Variants in ROBO1 observed in about 807,000 individuals in gnomAD.
ROBO1 encodes roundabout homolog 1.
ROBO1 carries 149 observed loss-of-function variants against 195.9 expected under a neutral mutation model. That is an observed-to-expected ratio of 0.76 (90% CI 0.67 to 0.87). The LOEUF (loss-of-function observed/expected upper bound fraction) is 0.87. Ranked by LOEUF, ROBO1 falls within the 40% of genes least tolerant of loss-of-function variation. The probability of loss-of-function intolerance (pLI) is 0.00; values close to 1 mark genes in which losing one functional copy is unlikely to be tolerated. For missense variants in ROBO1, 1,933 were observed against 2,068.3 expected (o/e 0.93, Z 1.27); for synonymous variants, 816 against 733.2 (o/e 1.11, Z -1.82).
intron 2 of ROBO1, among the ~76,000 whole-genome samples, chr3:79,515,362 G>A (rs1453420571): frequency 2.0e-5 from 3 of 152,176 alleles, no homozygotes; most frequent in Admixed American, 6.5e-5. Context: ...ATTCTTACTA[G>A]GCAGTATTCC....
At chr3:78,627,848 A>T (rs550589891) in intron 25 of ROBO1, among the ~76,000 whole-genome samples, 4 of 152,358 alleles carry the variant, frequency 2.6e-5, no homozygotes, top group Admixed American at 2.0e-4. Context: ...AGTACAGCCC[A>T]AATGTATTTG....
At position 79,685,183 on chromosome 3, in the gene ROBO1, A is replaced by G. The variant is rs183759594; in HGVS notation, c.-51+82569T>C. 5.7e-4 allele frequency among the ~76,000 whole-genome samples: 87 copies of G among 152,302 alleles called. 2 individuals are homozygous for G. In the South Asian group the frequency reaches 0.017, roughly 30 times the overall value. The stretch of plus-strand genomic sequence containing the variant: ...ACTTAATGATCAGCTAAAGATTGGC[A>G]GAAATTTCCTTAATGCCATGTATCA... On this transcript the variant is annotated intron_variant, in intron 1 of 30. Coordinates refer to ENST00000464233, the MANE Select transcript of ROBO1 (RefSeq NM_002941.4).
intron 4 of ROBO1, among the ~76,000 whole-genome samples, chr3:78,822,507 CT>C (rs1291176693): frequency 6.6e-6 from 1 of 152,198 alleles, no homozygotes; most frequent in African/African-American, 2.4e-5. Context: ...AGAGAATGAG[CT>C]TTTCTGATCC....
At chr3:78,869,722 G>A (rs531037095) in intron 4 of ROBO1, among the ~76,000 whole-genome samples, 9 of 152,146 alleles carry the variant, frequency 5.9e-5, no homozygotes, top group South Asian at 4.1e-4. Flanking sequence ...GCCTCCTTAA[G>A]TGCTGGGGTT....
intron 2 of ROBO1, among the ~76,000 whole-genome samples, chr3:79,334,917 C>T (rs2109192792): frequency 6.6e-6 from 1 of 151,806 alleles, no homozygotes; most frequent in Non-Finnish European, 1.5e-5. Context: ...ACCAGCCTGG[C>T]CAATGTGGTG....
intron 5 of ROBO1, among the ~76,000 whole-genome samples, chr3:78,719,661 G>C (rs2108094252): frequency 6.6e-6 from 1 of 152,200 alleles, no homozygotes; most frequent in South Asian, 2.1e-4. Flanking sequence ...ATTTTACACA[G>C]ATCCTCAGCA....
intron 2 of ROBO1, among the ~76,000 whole-genome samples, chr3:79,325,533 AG>A (rs1251403967): frequency 1.3e-5 from 2 of 152,250 alleles, no homozygotes; most frequent in African/African-American, 4.8e-5. Context: ...GTGGGAAGTC[AG>A]GGACCCCAAA....
intron 3 of ROBO1, among the ~76,000 whole-genome samples, chr3:79,037,103 G>A (rs2078394661): frequency 6.6e-6 from 1 of 152,206 alleles, no homozygotes; most frequent in South Asian, 2.1e-4. Context: ...ATCACATCTA[G>A]ATTTCAAGCA....
chr3:79,244,222 G>A (rs1044280420), intron 2 of ROBO1, among the ~76,000 whole-genome samples: 2 of 152,060 alleles, frequency 1.3e-5, no homozygotes, highest in Non-Finnish European at 2.9e-5. Context: ...TGCATAACAA[G>A]AACTCATTAA....
intron 4 of ROBO1, among the ~76,000 whole-genome samples, chr3:78,883,299 C>T (rs1348820338): frequency 6.6e-6 from 1 of 151,810 alleles, no homozygotes; most frequent in African/African-American, 2.4e-5. Flanking sequence ...GTAAAATGTA[C>T]TGATATTTCC....
rs915752226 is a variant in ROBO1, at chr3:78,938,762, T to C, written c.338A>G (p.Asp113Gly). Reference sequence around the variant, plus strand: ...CAACATTCGGTGTGAGCGAGGGTCATCTTTGTCTGTCTCCACTCTCTCTCC... The same window carrying C: ...CAACATTCGGTGTGAGCGAGGGTCACCTTTGTCTGTCTCCACTCTCTCTCC... ...KGGERVETDK[D>G]DPRSHRMLLP... is the part of the protein sequence containing the mutation. Residue 113 changes from aspartate (D) to glycine (G), a missense_variant, in exon 4 of 31, where the codon GAT becomes GGT. Coordinates refer to ENST00000464233, the MANE Select transcript of ROBO1 (RefSeq NM_002941.4). 8.7e-6 allele frequency: 14 copies of C among 1,613,982 alleles called. No individual in the cohort carries two copies. Among genetic ancestry groups the C allele is most frequent in the Non-Finnish European group, 1.2e-5 (14 of 1,179,890 alleles).
At chr3:78,681,996 A>C (rs1364435466) in intron 10 of ROBO1, among the ~76,000 whole-genome samples, 1 of 152,226 alleles carries the variant, frequency 6.6e-6, no homozygotes, top group East Asian at 1.9e-4. Flanking sequence ...TGAATGGTAA[A>C]GCACGTTAAG....
rs373935679 is a variant in ROBO1 at position 79,693,682 on chromosome 3, C to T, written c.-51+74070G>A. Among the ~76,000 whole-genome samples, 11 of 151,830 alleles carry T rather than the reference C, an allele frequency of 7.2e-5. No individual in the cohort carries two copies. The East Asian group carries it at 2.1e-3, about 30-fold the overall frequency. ...CAAACTCCTGGCCTTGAACAATTTT[C>T]CCCCTTCGACCTTCCAAAGCACTGG... is the stretch of plus-strand genomic sequence containing the variant. On this transcript the variant is annotated intron_variant, in intron 1 of 30. Coordinates refer to ENST00000464233, the MANE Select transcript of ROBO1 (RefSeq NM_002941.4).
intron 1 of ROBO1, among the ~76,000 whole-genome samples, chr3:79,716,372 G>A (rs1399163983): frequency 6.6e-6 from 1 of 151,908 alleles, no homozygotes; most frequent in Non-Finnish European, 1.5e-5. Flanking sequence ...TTGGGCATGT[G>A]ATATAGATAT....
chr3:78,977,861 C>T (rs1171341403), intron 3 of ROBO1, among the ~76,000 whole-genome samples: 4 of 152,020 alleles, frequency 2.6e-5, no homozygotes, highest in Non-Finnish European at 5.9e-5. Context: ...AACTACTTAA[C>T]AGTCTATTAA....
chr3:79,208,727 G>C (rs939694280), intron 2 of ROBO1, among the ~76,000 whole-genome samples: 3 of 150,818 alleles, frequency 2.0e-5, no homozygotes, highest in Admixed American at 6.6e-5. Flanking sequence ...GTGTGCGCCT[G>C]CATGCATGTG....
At chr3:79,280,301 C>T (rs1454467959) in intron 2 of ROBO1, among the ~76,000 whole-genome samples, 3 of 152,044 alleles carry the variant, frequency 2.0e-5, no homozygotes, top group Non-Finnish European at 4.4e-5. Flanking sequence ...AATTTGATCA[C>T]TATACATTAT....
intron 2 of ROBO1, among the ~76,000 whole-genome samples, chr3:79,564,344 C>A (rs531872288): frequency 3.7e-4 from 57 of 152,122 alleles, no homozygotes; most frequent in African/African-American, 1.3e-3. Context: ...CTTCACTGCA[C>A]TGCATGATAC....
At chr3:78,841,656 A>C (rs2033211917) in intron 4 of ROBO1, among the ~76,000 whole-genome samples, 1 of 152,208 alleles carries the variant, frequency 6.6e-6, no homozygotes, top group Non-Finnish European at 1.5e-5. Context: ...TTAATTACTC[A>C]AACCCCAATT....
Sources: allele counts gnomAD v4.1 joint callset (sites outside exome capture counted in the v4.1 genomes callset), GRCh38; gene constraint gnomAD v4.1.1; transcripts MANE v1.5; gene names NCBI Gene and HGNC (gene_info 2026-07-23, HGNC 2026-07-21).